Variants in NUP93 observed in about 807,000 individuals in gnomAD.
NUP93 encodes the protein nucleoporin 93.
In NUP93, 55 loss-of-function variants were observed where a neutral mutation model predicts 107.8. The observed-to-expected ratio is 0.51, with a 90% CI of 0.41 to 0.64. The LOEUF (loss-of-function observed/expected upper bound fraction) is 0.64. Ranked by LOEUF, NUP93 falls within the 30% of genes least tolerant of loss-of-function variation. The pLI is 0.00. For synonymous variants in NUP93, 390 were observed against 397.5 expected (o/e 0.98, Z 0.22); for missense variants, 937 against 1,044.7 (o/e 0.90, Z 1.42).
intron 1 of NUP93, among the ~76,000 whole-genome samples, chr16:56,739,600 T>C (rs1459770832): frequency 0.075 from 1,567 of 20,902 alleles, no homozygotes; most frequent in East Asian, 0.17. Flanking sequence ...CCCTCCCGGA[T>C]GGGGCGGCTG....
At chr16:56,827,498 T>TA (rs1963692811) in intron 8 of NUP93, among the ~76,000 whole-genome samples, 1 of 152,218 alleles carries the variant, frequency 6.6e-6, no homozygotes, top group African/African-American at 2.4e-5. Context: ...TAATAAATTG[T>TA]AACGGAGAAA....
chr16:56,818,557 C>G lies in NUP93; in HGVS notation c.490-107C>G, dbSNP rs1479403434. ...GAGGAATTCTTAACTAGGAAACAGA[C>G]TTTTCACAGCTCTGTTAAAGACAAG... On this transcript the variant is annotated intron_variant, in intron 5 of 21. Transcript: ENST00000308159. 1.1e-5 allele frequency: 10 copies of G among 892,366 alleles called. No individual in the cohort carries two copies. In the African/African-American group the frequency reaches 1.7e-4, roughly 15 times the overall value. The allele number at this position is 892,366 out of a possible 1,614,324, so 55.3% of individuals were successfully genotyped here.
chr16:56,815,865 A>ACTG (rs59958027), intron 5 of NUP93, among the ~76,000 whole-genome samples: 15,287 of 146,820 alleles, frequency 0.1, 822 homozygotes, highest in East Asian at 0.19. Context: ...TACTACTGCT[A>ACTG]CTGCTGCTGC....
chr16:56,829,231 G>C, intron 9 of NUP93, 122 bp downstream of exon 9: 3 of 1,226,478 alleles, frequency 2.4e-6, no homozygotes, highest in Non-Finnish European at 3.4e-6. Flanking sequence ...ACCAGAGAGG[G>C]GTGAGGACAG....
intron 3 of NUP93, among the ~76,000 whole-genome samples, chr16:56,772,431 C>T (rs1371935889): frequency 6.6e-6 from 1 of 152,278 alleles, no homozygotes; most frequent in East Asian, 1.9e-4. Context: ...GTGATGGATT[C>T]GTTGAGTAAA....
intron 1 of NUP93, among the ~76,000 whole-genome samples, chr16:56,745,874 C>A (rs1156557271): frequency 6.6e-6 from 1 of 152,148 alleles, no homozygotes; most frequent in Non-Finnish European, 1.5e-5. Context: ...AAGTAAATGA[C>A]TGATTCTGTA....
intron 1 of NUP93, among the ~76,000 whole-genome samples, chr16:56,732,731 A>C (rs1258358615): frequency 6.6e-6 from 1 of 152,240 alleles, no homozygotes; most frequent in African/African-American, 2.4e-5. Flanking sequence ...CCCACTCCTC[A>C]TGAAAAAGTT....
chr16:56,830,744 T>A (rs781532393), intron 10 of NUP93, 59 bp downstream of exon 10: 13 of 1,391,264 alleles, frequency 9.3e-6, no homozygotes, highest in Non-Finnish European at 1.2e-5. Flanking sequence ...GGGGCATCCT[T>A]CACTGTCATT....
intron 1 of NUP93, among the ~76,000 whole-genome samples, chr16:56,734,866 G>A (rs751412155): frequency 6.6e-6 from 1 of 152,164 alleles, no homozygotes; most frequent in Non-Finnish European, 1.5e-5. Context: ...TTAGATGCTA[G>A]AATACGGCCT....
chr16:56,731,050 TTTTC>T (rs1357730612), intron 1 of NUP93, among the ~76,000 whole-genome samples: 1 of 152,244 alleles, frequency 6.6e-6, no homozygotes. Context: ...CTTTATTTTT[TTTTC>T]TTTAAATTCT....
intron 1 of NUP93, among the ~76,000 whole-genome samples, chr16:56,738,399 G>A (rs1961646164): frequency 6.6e-6 from 1 of 152,202 alleles, no homozygotes; most frequent in South Asian, 2.1e-4. Flanking sequence ...GATATTTTAT[G>A]TATCAGGAAA....
intron 5 of NUP93, among the ~76,000 whole-genome samples, chr16:56,816,489 C>T (rs1232098759): frequency 6.6e-6 from 1 of 152,206 alleles, no homozygotes; most frequent in Non-Finnish European, 1.5e-5. Context: ...TTCTCTAGCA[C>T]ATCCATCTAC....
chr16:56,810,186 T>C (rs1963283004), intron 5 of NUP93, among the ~76,000 whole-genome samples: 1 of 152,218 alleles, frequency 6.6e-6, no homozygotes, highest in Non-Finnish European at 1.5e-5. Context: ...GGCAGAGTAG[T>C]TTGTAAATGT....
chr16:56,823,798 A>C lies in NUP93; in HGVS notation c.746A>C (p.Glu249Ala). Residue 249 changes from glutamate to alanine, a missense_variant, in exon 8 of 22, where the codon GAA becomes GCA. Glu to Ala is a moderately radical substitution (Grantham distance 107). Coordinates refer to ENST00000308159, the MANE Select transcript of NUP93 (RefSeq NM_014669.5). ...GCCCTGAAGAACCGCAGCAGCGTGG[A>C]AGTGCGCATGGAGTTTGTCAGGCAG... is the stretch of plus-strand genomic sequence containing the variant. ...TDALKNRSSVEVRMEFVRQAL... is the reference protein window; with the variant it reads ...TDALKNRSSVAVRMEFVRQAL... 1 of 1,614,164 alleles carries C rather than the reference A, an allele frequency of 6.2e-7. No individual in the cohort carries two copies. Among genetic ancestry groups the C allele is most frequent in the East Asian group, 2.2e-5 (1 of 44,880 alleles).
chr16:56,763,827 G>A (rs1217602620), intron 3 of NUP93, among the ~76,000 whole-genome samples: 1 of 151,110 alleles, frequency 6.6e-6, no homozygotes, highest in African/African-American at 2.4e-5. Context: ...TCTAATCATG[G>A]TTAAGTGAAA....
Position 56,798,395 on chromosome 16 carries a change from A to G in NUP93, c.298-81A>G, listed in dbSNP as rs1297851198. The stretch of plus-strand genomic sequence containing the variant: ...TGTAGGTAGCATAGTAGATACCATT[A>G]TGGTTATTGTTTGCCCTGCAGTATA... On this transcript the variant is annotated intron_variant, in intron 3 of 21. Transcript: ENST00000308159. 3.5e-6 allele frequency: 4 copies of G among 1,154,776 alleles called. No homozygotes were observed. The East Asian group carries it at 7.3e-5, about 21-fold the overall frequency. 71.5% of individuals were successfully genotyped at this position (1,154,776 alleles called of 1,614,324 possible). A position where few individuals can be genotyped will look rare whatever the true frequency, so the allele number is the denominator to read the frequency against.
At chr16:56,828,026 A>G (rs1211031085) in intron 8 of NUP93, among the ~76,000 whole-genome samples, 2 of 152,078 alleles carry the variant, frequency 1.3e-5, no homozygotes, top group Admixed American at 6.5e-5. Flanking sequence ...AGGCTGAGAC[A>G]AGAGAAATGC....
chr16:56,740,558 A>G (rs1961713339), intron 1 of NUP93, among the ~76,000 whole-genome samples: 1 of 151,068 alleles, frequency 6.6e-6, no homozygotes, highest in African/African-American at 2.4e-5. Flanking sequence ...AGCCAGGCAG[A>G]GGGGCTCCTC....
intron 5 of NUP93, among the ~76,000 whole-genome samples, chr16:56,809,215 C>G (rs1963259353): frequency 6.6e-6 from 1 of 152,142 alleles, no homozygotes; most frequent in Non-Finnish European, 1.5e-5. Context: ...ACATTTACCA[C>G]CCTGGTGTTG....
Sources: gnomAD v4.1 joint callset for allele counts (sites outside exome capture counted in the v4.1 genomes callset) on GRCh38, gnomAD v4.1.1 for gene constraint, MANE v1.5 for transcripts, NCBI Gene and HGNC (gene_info 2026-07-23, HGNC 2026-07-21) for gene names.